HUWE1: variants seen among roughly 807,000 people sequenced by gnomAD.
HUWE1 encodes E3 ubiquitin-protein ligase HUWE1.
HUWE1 carries 18 observed loss-of-function variants against 299.4 expected under a neutral mutation model. The observed-to-expected ratio is 0.06, with a 90% CI of 0.04 to 0.09. HUWE1 has a LOEUF of 0.09. Among genes scored for constraint, HUWE1 ranks in the 10% least tolerant of loss-of-function variants. HUWE1 has a pLI of 1.00. For missense variants in HUWE1, 1,832 were observed against 3,462.3 expected (o/e 0.53, Z 11.82); for synonymous variants, 1,317 against 1,286.1 (o/e 1.02, Z -0.51).
intron 28 of HUWE1, 29 bp downstream of exon 28, chrX:53,602,521 AAACTTAGAAGTAAT>A: frequency 1.3e-6 from 1 of 789,395 alleles, no homozygotes; most frequent in Non-Finnish European, 1.9e-6. Context: ...CGTAGGAACA[AAACTTAGAAGTAAT>A]GACTAACATT....
intron 60 of HUWE1, 171 bp downstream of exon 60, chrX:53,557,211 T>C (rs782760005): frequency 2.1e-5 from 12 of 565,768 alleles, no homozygotes; most frequent in South Asian, 4.5e-5. Flanking sequence ...GACAGTAGAC[T>C]GTATAGTTAT....
At chrX:53,587,268 T>C (rs191682342) in intron 37 of HUWE1, among the ~76,000 whole-genome samples, 1 of 112,413 alleles carries the variant, frequency 8.9e-6, no homozygotes, top group Non-Finnish European at 1.9e-5. Flanking sequence ...AAGCTTTAGA[T>C]TTACAGAGAA....
Position 53,666,369 on chromosome X carries a change from T to A in HUWE1, c.-24-12238A>T, listed in dbSNP as rs782776494. Among the ~76,000 whole-genome samples the A allele has an allele frequency of 2.7e-5, 3 of 111,946 alleles. No individual in the cohort carries two copies. The East Asian group carries it at 8.4e-4, about 31-fold the overall frequency. On this transcript the variant is annotated intron_variant, in intron 3 of 83. Transcript: ENST00000262854. ...ATAAAAATAGAGGGGAGGAGCGGGGTATAAATAGAACAATAGCCCTGTGTT... is the reference window on the plus strand; with the variant it reads ...ATAAAAATAGAGGGGAGGAGCGGGGAATAAATAGAACAATAGCCCTGTGTT...
Position 53,554,871 on chromosome X carries a change from A to T in HUWE1, c.8256T>A (p.Asp2752Glu). The stretch of plus-strand genomic sequence containing the variant: ...TCTCCTTGGACTCAGATGTAGCTGC[A>T]TCAGTTGAAGATGGGGTTGTTGGGT... ...DSYPTTPSST[D>E]AATSESKETL... The change falls in exon 61 of 84, where the codon GAT becomes GAA. Residue 2752 changes from aspartate to glutamate, a missense_variant. Asp to Glu is a conservative substitution (Grantham distance 45). This residue lies in a region of HUWE1 where 143 missense variants were observed against 148.1 expected (regional missense o/e 0.97). Coordinates refer to ENST00000262854, the MANE Select transcript of HUWE1 (RefSeq NM_031407.7). The T allele has an allele frequency of 8.3e-7, 1 of 1,200,111 alleles. No homozygotes were observed. The highest frequency in any genetic ancestry group is 1.1e-6 in the Non-Finnish European group (1 of 888,335).
intron 18 of HUWE1, 85 bp from the exon 19 acceptor site, chrX:53,624,760 T>C: frequency 1.5e-6 from 1 of 661,641 alleles, no homozygotes. Context: ...ATGTTATGTA[T>C]TATCACACTG....
At chrX:53,552,992 A>C in intron 61 of HUWE1, 99 bp from the exon 62 acceptor site, 7 of 915,924 alleles carry the variant, frequency 7.6e-6, no homozygotes, top group Non-Finnish European at 1.1e-5. Flanking sequence ...GGGGCATCTC[A>C]GCTCAGACTT....
chrX:53,597,333 G>GAA (rs78456710), intron 29 of HUWE1, among the ~76,000 whole-genome samples: 24 of 90,720 alleles, frequency 2.6e-4, no homozygotes, highest in Non-Finnish European at 5.1e-4. Context: ...TACTTTGAAG[G>GAA]AAAAAAAAAA....
rs61378966 is a variant in HUWE1 at position 53,545,969 on chromosome X, G to A, written c.10915+467C>T. On this transcript the variant is annotated intron_variant, in intron 70 of 83. Coordinates refer to ENST00000262854, the MANE Select transcript of HUWE1 (RefSeq NM_031407.7). ...AAACAGGGAGGAAGATGATAGAAAC[G>A]AGGTAATTTGTAACTGTTCTTAGAA... Among the ~76,000 whole-genome samples, 1,000 of 111,486 alleles carry A rather than the reference G, an allele frequency of 9.0e-3. 7 individuals carry two copies. Among genetic ancestry groups the A allele is most frequent in the African/African-American group, 0.031 (948 of 30,703 alleles).
At chrX:53,635,801 A>G (rs1277347800) in intron 7 of HUWE1, among the ~76,000 whole-genome samples, 2 of 111,733 alleles carry the variant, frequency 1.8e-5, no homozygotes, top group Admixed American at 9.5e-5. Flanking sequence ...CTATTATATC[A>G]CTACTTGCCA....
At chrX:53,644,270 T>C (rs782222646) in intron 7 of HUWE1, among the ~76,000 whole-genome samples, 3 of 112,626 alleles carry the variant, frequency 2.7e-5, no homozygotes, top group South Asian at 3.7e-4. Flanking sequence ...TCCCCCATTA[T>C]GACTTCTGGT....
intron 56 of HUWE1, 69 bp from the exon 57 acceptor site, chrX:53,559,601 G>T: frequency 1.1e-6 from 1 of 910,446 alleles, no homozygotes; most frequent in Non-Finnish European, 1.6e-6. Flanking sequence ...GTTACCATGA[G>T]ATCCTCTTCA....
chrX:53,576,842 C>G, intron 44 of HUWE1, 58 bp downstream of exon 44: 1 of 1,171,149 alleles, frequency 8.5e-7, no homozygotes, highest in Non-Finnish European at 1.2e-6. Flanking sequence ...CTGAAATGAC[C>G]CAGGCAAAGT....
intron 29 of HUWE1, among the ~76,000 whole-genome samples, chrX:53,596,528 A>T (rs2064483776): frequency 8.9e-6 from 1 of 112,285 alleles, no homozygotes; most frequent in African/African-American, 3.2e-5. Context: ...GATAAAATTT[A>T]GTACATATTA....
chrX:53,611,035 C>T (rs904484147), intron 23 of HUWE1, among the ~76,000 whole-genome samples: 2 of 110,256 alleles, frequency 1.8e-5, no homozygotes, highest in Middle Eastern at 4.2e-3. Context: ...TTTAGAACTA[C>T]TTGTGGTGAG....
At chrX:53,538,510 A>T in intron 76 of HUWE1, 56 bp from the exon 77 acceptor site, 2 of 841,421 alleles carry the variant, frequency 2.4e-6, no homozygotes, top group South Asian at 4.1e-5. Context: ...AGAAGCTGTA[A>T]GACAGCCAAC....
chrX:53,630,823 G>C (rs1028912268), intron 12 of HUWE1, 112 bp downstream of exon 12: 19 of 512,508 alleles, frequency 3.7e-5, no homozygotes, highest in Non-Finnish European at 6.3e-5. Flanking sequence ...TATTTAAGTT[G>C]CTACCTAGGT....
chrX:53,542,831 C>A, intron 73 of HUWE1: 3 of 299,421 alleles, frequency 1.0e-5, no homozygotes, highest in African/African-American at 3.0e-5. Context: ...ATATAGACTT[C>A]AAGTCTTCTT....
At position 53,559,432 on chromosome X, in the gene HUWE1, C is replaced by T. The variant is rs781838105; in HGVS notation, c.7837G>A (p.Val2613Ile). The T allele has an allele frequency of 1.7e-6, 2 of 1,210,875 alleles. No homozygotes were observed. The highest frequency in any genetic ancestry group is 2.2e-6 in the Non-Finnish European group (2 of 894,850). Residue 2613 changes from valine (V) to isoleucine (I), a missense_variant, in exon 57 of 84, where the codon GTC becomes ATC. Val to Ile is a conservative substitution (Grantham distance 29). This residue lies in a region of HUWE1 where 170 missense variants were observed against 335.8 expected (regional missense o/e 0.51). Transcript: ENST00000262854. Reference protein sequence around the residue: ...RARLLVGNDDVHIIARSDDEL... With the variant: ...RARLLVGNDDIHIIARSDDEL... ...TCATCAGAACGGGCGATGATGTGGA[C>T]GTCATCGTTGCCTACCAGGAGGCGG... is the stretch of plus-strand genomic sequence containing the variant.
chrX:53,593,235 G>A (rs1269683448), intron 32 of HUWE1, 129 bp downstream of exon 32: 4 of 516,313 alleles, frequency 7.7e-6, no homozygotes, highest in Non-Finnish European at 1.4e-5. Flanking sequence ...CTTACGTAAG[G>A]CAGCCCTATC....
Sources: allele counts gnomAD v4.1 joint callset (sites outside exome capture counted in the v4.1 genomes callset), GRCh38; gene constraint gnomAD v4.1.1; regional missense constraint gnomAD v4.1.1; transcripts MANE v1.5; gene names NCBI Gene and HGNC (gene_info 2026-07-23, HGNC 2026-07-21).